The following ZNF664 variants were observed in gnomAD, a reference collection of about 807,000 sequenced individuals.
ZNF664 encodes zinc finger protein 664.
ZNF664 carries 10 observed loss-of-function variants against 18.2 expected under a neutral mutation model. The observed-to-expected ratio is 0.55, with a 90% CI of 0.34 to 0.93. ZNF664 has a LOEUF of 0.93. Among genes scored for constraint, ZNF664 ranks in the 40% least tolerant of loss-of-function variants. The pLI, the probability that ZNF664 is intolerant of heterozygous loss-of-function variation, is 0.02. For synonymous variants in ZNF664, 119 were observed against 104.2 expected (o/e 1.14, Z -0.86); for missense variants, 193 against 319.0 (o/e 0.61, Z 3.01).
intron 3 of ZNF664, among the ~76,000 whole-genome samples, chr12:123,994,806 C>A (rs1353398426): frequency 6.6e-6 from 1 of 152,288 alleles, no homozygotes; most frequent in East Asian, 1.9e-4. Context: ...CTGAATAGAT[C>A]TTTTACAAAC....
chr12:123,995,257 A>C (rs1423107046), intron 3 of ZNF664, among the ~76,000 whole-genome samples: 1 of 152,264 alleles, frequency 6.6e-6, no homozygotes, highest in Admixed American at 6.5e-5. Context: ...AATAGTTTAC[A>C]GACAAAGAAC....
intron 2 of ZNF664, among the ~76,000 whole-genome samples, chr12:123,974,882 C>A (rs892423411): frequency 6.6e-6 from 1 of 152,152 alleles, no homozygotes; most frequent in African/African-American, 2.4e-5. Context: ...TTTAAAACAG[C>A]TTTTTTGCTG....
intron 3 of ZNF664, among the ~76,000 whole-genome samples, chr12:123,993,793 C>T (rs117390648): frequency 2.0e-5 from 3 of 151,718 alleles, no homozygotes; most frequent in African/African-American, 7.3e-5. Context: ...CTGAGACTTG[C>T]CAAATTAGAA....
At chr12:123,983,570 A>G (rs1956791395) in intron 2 of ZNF664, among the ~76,000 whole-genome samples, 1 of 152,182 alleles carries the variant, frequency 6.6e-6, no homozygotes, top group Non-Finnish European at 1.5e-5. Flanking sequence ...GCCAGAGCAG[A>G]CCCCTGTCCC....
chr12:123,992,982 T>G (rs1040958073), intron 3 of ZNF664, among the ~76,000 whole-genome samples: 1 of 152,174 alleles, frequency 6.6e-6, no homozygotes, highest in Admixed American at 6.5e-5. Flanking sequence ...AAACCCAGAT[T>G]CACTTCTGTG....
chr12:124,003,320 G>C (rs1431104247), intron 3 of ZNF664: 1 of 152,062 alleles, frequency 6.6e-6, no homozygotes. Context: ...GGCACCCCCT[G>C]TTGGAGTAGA....
chr12:123,974,576 T>G (rs1339759564), intron 2 of ZNF664: 1 of 152,246 alleles, frequency 6.6e-6, no homozygotes, highest in African/African-American at 2.4e-5. Context: ...TACATTTTCT[T>G]TGTAAAAACA....
At chr12:124,005,034 A>T (rs1259921835) in intron 3 of ZNF664, 1 of 153,296 alleles carries the variant, frequency 6.5e-6, no homozygotes, top group Non-Finnish European at 1.5e-5. Flanking sequence ...CCCAAAAACC[A>T]TCACCCCTGC....
rs1956612275 is a variant in ZNF664, at chr12:123,973,222, C to T, written c.-1022C>T. ...CCTCGTGCGTGCGCACGCGCGCTGTCCCCCGGAGGCGTCTGGGTGTGCGGA... is the reference window on the plus strand; with the variant it reads ...CCTCGTGCGTGCGCACGCGCGCTGTTCCCCGGAGGCGTCTGGGTGTGCGGA... On this transcript the variant is annotated 5_prime_UTR_variant, in exon 1 of 5. Coordinates refer to ENST00000337815, the MANE Select transcript of ZNF664 (RefSeq NM_152437.3). The T allele has an allele frequency of 3.0e-6, 3 of 986,042 alleles. No individual in the cohort carries two copies. The highest frequency in any genetic ancestry group is 1.2e-4 in the East Asian group (1 of 8,512). 61.1% of individuals were successfully genotyped at this position (986,042 alleles called of 1,614,324 possible).
chr12:123,994,260 G>A (rs1288508823), intron 3 of ZNF664, among the ~76,000 whole-genome samples: 2 of 152,022 alleles, frequency 1.3e-5, no homozygotes, highest in African/African-American at 2.4e-5. Flanking sequence ...TTTGTGTCTG[G>A]CCTTCCTTAC....
intron 3 of ZNF664, among the ~76,000 whole-genome samples, chr12:123,988,369 T>C (rs929291962): frequency 6.6e-6 from 1 of 152,228 alleles, no homozygotes; most frequent in Non-Finnish European, 1.5e-5. Context: ...TTTGTCCAAC[T>C]CTTTTTGTTC....
intron 3 of ZNF664, among the ~76,000 whole-genome samples, chr12:123,992,704 C>A (rs1594556798): frequency 6.6e-6 from 1 of 152,140 alleles, no homozygotes. Flanking sequence ...TTTTGAGGAG[C>A]CCACTTTTAG....
chr12:123,979,993 T>C (rs1295148106), intron 2 of ZNF664, among the ~76,000 whole-genome samples: 3 of 152,176 alleles, frequency 2.0e-5, no homozygotes, highest in Admixed American at 2.0e-4. Flanking sequence ...CTATTAGTTT[T>C]TTATATAGAG....
intron 3 of ZNF664, among the ~76,000 whole-genome samples, chr12:123,991,589 A>G (rs1488385785): frequency 1.3e-5 from 2 of 152,238 alleles, no homozygotes. Context: ...GGGCACTCTG[A>G]TAGGTACTTT....
At chr12:123,985,976 G>GT (rs71444925) in intron 2 of ZNF664, among the ~76,000 whole-genome samples, 3,407 of 151,980 alleles carry the variant, frequency 0.022, 54 homozygotes, top group Middle Eastern at 0.044. Flanking sequence ...ATCCAGTAAT[G>GT]TTTTTTTTCA....
At position 124,014,829 on chromosome 12, in the gene ZNF664, G is replaced by A. The variant is rs1045572332; in HGVS notation, c.*1899G>A. The A allele has an allele frequency of 6.0e-6, 1 of 166,084 alleles. No homozygotes were observed. Among genetic ancestry groups the A allele is most frequent in the Non-Finnish European group, 1.5e-5 (1 of 68,128 alleles). The allele number at this position is 166,084 out of a possible 1,614,324, so 10.3% of individuals were successfully genotyped here. A position where few individuals can be genotyped will look rare whatever the true frequency, so the allele number is the denominator to read the frequency against. On this transcript the variant is annotated 3_prime_UTR_variant, in exon 5 of 5. Coordinates refer to ENST00000337815, the MANE Select transcript of ZNF664 (RefSeq NM_152437.3). Reference sequence around the variant, plus strand: ...ATTTAGTGGGTGGGCCATGAAACTAGAGATGGGATTTGGGGGTGAATTTGT... The same window carrying A: ...ATTTAGTGGGTGGGCCATGAAACTAAAGATGGGATTTGGGGGTGAATTTGT...
intron 3 of ZNF664, among the ~76,000 whole-genome samples, chr12:124,006,742 T>C (rs1378622290): frequency 6.6e-6 from 1 of 152,212 alleles, no homozygotes; most frequent in Non-Finnish European, 1.5e-5. Context: ...TCTCCTCCAG[T>C]GTGAGTCGAG....
intron 2 of ZNF664, among the ~76,000 whole-genome samples, chr12:123,987,221 A>G (rs1442631360): frequency 6.6e-6 from 1 of 152,196 alleles, no homozygotes; most frequent in African/African-American, 2.4e-5. Context: ...ACAGCTAGAA[A>G]AACATGTAAA....
chr12:123,973,396 G>A (rs1411419624), intron 1 of ZNF664, 44 bp downstream of exon 1: 86 of 974,784 alleles, frequency 8.8e-5, no homozygotes, highest in Non-Finnish European at 1.0e-4. Context: ...TTCTTTCCCG[G>A]AGGGAGGCGG....
Sources: gnomAD v4.1 joint callset for allele counts (sites outside exome capture counted in the v4.1 genomes callset) on GRCh38, gnomAD v4.1.1 for gene constraint, MANE v1.5 for transcripts, NCBI Gene and HGNC (gene_info 2026-07-23, HGNC 2026-07-21) for gene names.